The following CHST15 variants were observed in gnomAD, a reference collection of about 807,000 sequenced individuals.
CHST15 encodes the protein B cell RAG associated protein (GALNAC4S-6ST).
A neutral mutation model predicts 53.6 loss-of-function variants in CHST15; 30 were observed. The ratio of observed to expected loss-of-function variants is 0.56; its 90% CI spans 0.42 to 0.76. The LOEUF (loss-of-function observed/expected upper bound fraction) is 0.76, where lower values mean the gene tolerates loss of function less well. Among genes scored for constraint, CHST15 ranks in the 30% least tolerant of loss-of-function variants. The pLI, the probability that CHST15 is intolerant of heterozygous loss-of-function variation, is 0.00. For synonymous variants in CHST15, 296 were observed against 289.8 expected (o/e 1.02, Z -0.22); for missense variants, 627 against 740.5 (o/e 0.85, Z 1.78).
At chr10:124,037,691 C>T (rs1169604104) in intron 5 of CHST15, among the ~76,000 whole-genome samples, 1 of 152,224 alleles carries the variant, frequency 6.6e-6, no homozygotes, top group East Asian at 1.9e-4. Flanking sequence ...GTTCAATATC[C>T]CACTACCCTG....
intron 3 of CHST15, among the ~76,000 whole-genome samples, chr10:124,044,022 G>A (rs1472538424): frequency 6.6e-6 from 1 of 150,596 alleles, no homozygotes. Context: ...GAGCAGCACA[G>A]AGCAGGGAGC....
At chr10:124,011,156 C>G in intron 7 of CHST15, 2 of 930,328 alleles carry the variant, frequency 2.1e-6, no homozygotes. Flanking sequence ...CCCAACGCCC[C>G]GCCCTCTGGG....
Position 124,008,732 on chromosome 10 carries a change from G to T in CHST15, c.*1417C>A. The stretch of plus-strand genomic sequence containing the variant: ...CGGGTGCTTGCACTTTCTGGCTTTG[G>T]TGGGCGAGACCTTGGCCTGAGAACT... On this transcript the variant is annotated 3_prime_UTR_variant, in exon 8 of 8. Coordinates refer to ENST00000435907, the MANE Select transcript of CHST15 (RefSeq NM_001270764.2). 4 of 1,145,462 alleles carry T rather than the reference G, an allele frequency of 3.5e-6. No homozygotes were observed. Among genetic ancestry groups the T allele is most frequent in the Non-Finnish European group, 4.4e-6 (4 of 914,338 alleles). 71.0% of individuals were successfully genotyped at this position (1,145,462 alleles called of 1,614,324 possible).
intron 1 of CHST15, among the ~76,000 whole-genome samples, chr10:124,073,359 G>C (rs1316104243): frequency 6.6e-6 from 1 of 152,160 alleles, no homozygotes. Context: ...CACAAAACAG[G>C]CCAAAAACCC....
chr10:124,015,756 A>G (rs1303242433), intron 6 of CHST15, among the ~76,000 whole-genome samples: 1 of 152,230 alleles, frequency 6.6e-6, no homozygotes, highest in South Asian at 2.1e-4. Context: ...GGAGGCTGCA[A>G]TCTCATGGAG....
intron 1 of CHST15, among the ~76,000 whole-genome samples, chr10:124,071,216 G>A (rs976651006): frequency 2.6e-5 from 4 of 152,214 alleles, no homozygotes; most frequent in Non-Finnish European, 4.4e-5. Context: ...GAAGATTCTC[G>A]TTTTCTAAAG....
At chr10:124,087,435 T>C (rs1233042826) in intron 1 of CHST15, among the ~76,000 whole-genome samples, 3 of 152,212 alleles carry the variant, frequency 2.0e-5, no homozygotes, top group Admixed American at 6.5e-5. Context: ...TTCCAGCCTA[T>C]TGTCAGAAAA....
chr10:124,034,841 G>A (rs563493747), intron 5 of CHST15, among the ~76,000 whole-genome samples: 1 of 132,270 alleles, frequency 7.6e-6, no homozygotes, highest in Middle Eastern at 5.6e-3. Flanking sequence ...GGGGACCCTG[G>A]TTCTACCCCT....
At position 124,028,092 on chromosome 10, in the gene CHST15, AACAC is replaced by A. The variant is rs1947080724; in HGVS notation, c.1191-6684_1191-6681del. ...TACAAATGTAATAGAGTGGCAAATA[AACAC>A]TTAGGATAAACGTGAGGAACTCCAA... On this transcript the variant is annotated intron_variant, in intron 5 of 7. Transcript: ENST00000435907. Among the ~76,000 whole-genome samples, 16 of 152,336 alleles carry A rather than the reference AACAC, an allele frequency of 1.1e-4. 1 individual carries two copies. The highest frequency in any genetic ancestry group is 8.5e-4 in the Admixed American group (13 of 15,304).
intron 5 of CHST15, among the ~76,000 whole-genome samples, chr10:124,030,495 G>A (rs536510819): frequency 3.2e-4 from 49 of 152,120 alleles, no homozygotes; most frequent in African/African-American, 1.1e-3. Context: ...GGAGGGAGAG[G>A]TGAGAAAGAG....
intron 6 of CHST15, among the ~76,000 whole-genome samples, chr10:124,017,150 T>A (rs1039853024): frequency 6.6e-6 from 1 of 152,154 alleles, no homozygotes; most frequent in Non-Finnish European, 1.5e-5. Context: ...TATTTAAAGC[T>A]ATTAAAATAA....
In CHST15 at chr10:124,044,865, A is replaced by G; in HGVS notation, c.601T>C (p.Tyr201His). 6.7e-7 allele frequency: 1 copy of G among 1,488,846 alleles called. No individual in the cohort carries two copies. Among genetic ancestry groups the G allele is most frequent in the Middle Eastern group, 1.8e-4 (1 of 5,514 alleles). 92.2% of individuals were successfully genotyped at this position (1,488,846 alleles called of 1,614,324 possible). A position where few individuals can be genotyped will look rare whatever the true frequency, so the allele number is the denominator to read the frequency against. Residue 201 changes from tyrosine (Y) to histidine (H), a missense_variant, in exon 3 of 8, where the codon TAC becomes CAC. By Grantham distance (83) the Tyr-to-His change is moderately conservative. Coordinates refer to ENST00000435907, the MANE Select transcript of CHST15 (RefSeq NM_001270764.2). ...GTGTTCTGCCCCGAGAACTCCTCGT[A>G]CCAACAGGGGCTCTTACTGTTTGGA... ...FLPNSKSPCW[Y>H]EEFSGQNTTD...
intron 6 of CHST15, among the ~76,000 whole-genome samples, chr10:124,016,661 A>G (rs1007748549): frequency 2.4e-4 from 37 of 152,260 alleles, no homozygotes; most frequent in Admixed American, 2.2e-3. Flanking sequence ...CCAGGATTGA[A>G]CCTTGAGCCT....
At chr10:124,065,983 A>C (rs1221659483) in intron 1 of CHST15, among the ~76,000 whole-genome samples, 2 of 152,282 alleles carry the variant, frequency 1.3e-5, no homozygotes, top group East Asian at 1.9e-4. Context: ...AAACTTGGAA[A>C]CGTTTCAAAA....
At chr10:124,076,445 G>GGGCATTTCCTA (rs1159316774) in intron 1 of CHST15, among the ~76,000 whole-genome samples, 2 of 152,176 alleles carry the variant, frequency 1.3e-5, no homozygotes, top group Non-Finnish European at 1.5e-5. Flanking sequence ...TCAGCTCAAC[G>GGGCATTTCCTA]GGCATTTCCT....
Position 124,044,607 on chromosome 10 carries a change from G to T in CHST15, c.859C>A (p.Pro287Thr). The T allele has an allele frequency of 6.4e-7, 1 of 1,568,974 alleles. No individual in the cohort carries two copies. Among genetic ancestry groups the T allele is most frequent in the Non-Finnish European group, 8.7e-7 (1 of 1,155,306 alleles). ...PEVKFSAIKEPHWWTRKRFGI... is the reference protein window; with the variant it reads ...PEVKFSAIKETHWWTRKRFGI... ...AAGCGCTTCCGGGTCCACCAGTGTGGCTCCTTGATGGCGGAGAACTTGACC... is the reference window on the plus strand; with the variant it reads ...AAGCGCTTCCGGGTCCACCAGTGTGTCTCCTTGATGGCGGAGAACTTGACC... The change falls in exon 3 of 8, where the codon CCA (proline) becomes ACA (threonine). Residue 287 changes from proline to threonine, a missense_variant. By Grantham distance (38) the Pro-to-Thr change is conservative. This residue lies in a region of CHST15 where 279 missense variants were observed against 371.6 expected (regional missense o/e 0.75). Coordinates refer to ENST00000435907, the MANE Select transcript of CHST15 (RefSeq NM_001270764.2).
intron 1 of CHST15, among the ~76,000 whole-genome samples, chr10:124,084,956 G>A (rs546234905): frequency 6.6e-6 from 1 of 152,348 alleles, no homozygotes; most frequent in East Asian, 1.9e-4. Flanking sequence ...AGTGTGTGGA[G>A]AGAAACACAA....
intron 1 of CHST15, among the ~76,000 whole-genome samples, chr10:124,092,715 C>T (rs1949641853): frequency 2.0e-5 from 3 of 152,220 alleles, no homozygotes; most frequent in South Asian, 2.1e-4. Flanking sequence ...CTTACCTGCC[C>T]CGGGCCGCGC....
chr10:124,031,654 A>G (rs1466485536), intron 5 of CHST15, among the ~76,000 whole-genome samples: 2 of 152,196 alleles, frequency 1.3e-5, no homozygotes, highest in Non-Finnish European at 2.9e-5. Context: ...TAAATGAGTG[A>G]TCAGTTTATT....
Sources: allele counts gnomAD v4.1 joint callset (sites outside exome capture counted in the v4.1 genomes callset), GRCh38; gene constraint gnomAD v4.1.1; regional missense constraint gnomAD v4.1.1; transcripts MANE v1.5; gene names NCBI Gene and HGNC (gene_info 2026-07-23, HGNC 2026-07-21).